The following ZNF804B variants were observed in gnomAD, a reference collection of about 807,000 sequenced individuals.
ZNF804B encodes the protein zinc finger protein 804B, also known as zinc finger 804B.
A neutral mutation model predicts 101.4 loss-of-function variants in ZNF804B; 80 were observed. That is an observed-to-expected ratio of 0.79 (90% CI 0.66 to 0.95). ZNF804B has a LOEUF of 0.95. ZNF804B is among the 40% of genes least tolerant of loss of function. The probability of loss-of-function intolerance (pLI) is 0.00; values close to 1 mark genes in which losing one functional copy is unlikely to be tolerated. For missense variants in ZNF804B, 1,673 were observed against 1,561.9 expected, an observed-to-expected ratio of 1.07 and a Z score of -1.20; for synonymous variants, 622 against 558.8, an observed-to-expected ratio of 1.11 and a Z score of -1.59.
intron 2 of ZNF804B, among the ~76,000 whole-genome samples, chr7:89,231,142 G>A (rs181403947): frequency 1.3e-5 from 2 of 152,110 alleles, no homozygotes; most frequent in African/African-American, 2.4e-5. Context: ...TGTGAGGCAA[G>A]GGCCCAAGTT....
intron 1 of ZNF804B, among the ~76,000 whole-genome samples, chr7:89,062,117 C>T (rs930424496): frequency 1.3e-5 from 2 of 152,072 alleles, no homozygotes; most frequent in Non-Finnish European, 2.9e-5. Context: ...AGAAAGAAGG[C>T]CCTTCTCATC....
chr7:89,253,720 A>G (rs971297364), intron 2 of ZNF804B, among the ~76,000 whole-genome samples: 5 of 152,156 alleles, frequency 3.3e-5, no homozygotes, highest in African/African-American at 1.2e-4. Context: ...ATTATAAAAA[A>G]TAAAAAATGT....
At chr7:88,858,113 G>T (rs1277765442) in intron 1 of ZNF804B, among the ~76,000 whole-genome samples, 2 of 151,902 alleles carry the variant, frequency 1.3e-5, no homozygotes, top group Non-Finnish European at 2.9e-5. Context: ...GAGAGCCACG[G>T]CACCTGGCCT....
At position 88,760,045 on chromosome 7, in the gene ZNF804B, C is replaced by A; in HGVS notation, c.69C>A (p.Val23=). The A allele has an allele frequency of 6.2e-7, 1 of 1,614,222 alleles. No individual in the cohort carries two copies. The highest frequency in any genetic ancestry group is 8.5e-7 in the Non-Finnish European group (1 of 1,180,040). Residue 23 remains valine, a synonymous_variant, in exon 1 of 4, where the codon GTC becomes GTA. Transcript: ENST00000333190. The stretch of plus-strand genomic sequence containing the variant: ...GGCACTACCGGGGCATTAAAGGAGT[C>A]TTCAGGGGACCCCTGTGCAAGAACG... The part of the protein sequence containing the change: ...SNGHYRGIKG[V]FRGPLCKNGS...
chr7:88,925,715 C>CA (rs1792787317), intron 1 of ZNF804B, among the ~76,000 whole-genome samples: 1 of 152,106 alleles, frequency 6.6e-6, no homozygotes, highest in South Asian at 2.1e-4. Flanking sequence ...CTGCAGCAGC[C>CA]GGCTTTGTAG....
At chr7:89,327,263 A>G in intron 2 of ZNF804B, 81 bp from the exon 3 acceptor site, 2 of 1,366,436 alleles carry the variant, frequency 1.5e-6, no homozygotes, top group East Asian at 2.6e-5. Flanking sequence ...ACTTAGGATA[A>G]AGAATAATAA....
At chr7:88,800,346 C>T (rs750930743) in intron 1 of ZNF804B, among the ~76,000 whole-genome samples, 8 of 151,976 alleles carry the variant, frequency 5.3e-5, no homozygotes, top group African/African-American at 1.4e-4. Context: ...AATAGTATTA[C>T]GGAACAGTGT....
In ZNF804B at chr7:89,318,043, T is replaced by C. The variant is rs537121708; in HGVS notation, c.250-9301T>C. 5.9e-5 allele frequency among the ~76,000 whole-genome samples: 9 copies of C among 152,338 alleles called. 1 individual carries two copies. The South Asian group carries it at 1.2e-3, about 21-fold the overall frequency. ...CAAGGCCTAGATCAGGGATCAGTCATCAAAGAACACTCTTCAATATTAATA... is the reference window on the plus strand; with the variant it reads ...CAAGGCCTAGATCAGGGATCAGTCACCAAAGAACACTCTTCAATATTAATA... On this transcript the variant is annotated intron_variant, in intron 2 of 3. Coordinates refer to ENST00000333190, the MANE Select transcript of ZNF804B (RefSeq NM_181646.5).
At chr7:89,145,677 A>G (rs1790780335) in intron 1 of ZNF804B, among the ~76,000 whole-genome samples, 1 of 152,024 alleles carries the variant, frequency 6.6e-6, no homozygotes, top group Non-Finnish European at 1.5e-5. Flanking sequence ...TAATTCCACA[A>G]ACATATACTT....
chr7:89,027,645 A>T (rs543599467), intron 1 of ZNF804B, among the ~76,000 whole-genome samples: 1 of 152,300 alleles, frequency 6.6e-6, no homozygotes, highest in East Asian at 1.9e-4. Flanking sequence ...AGGAAGAGAG[A>T]ACCTCTCCCA....
At chr7:89,270,352 G>A (rs757030522) in intron 2 of ZNF804B, among the ~76,000 whole-genome samples, 16 of 152,144 alleles carry the variant, frequency 1.1e-4, no homozygotes, top group Non-Finnish European at 1.9e-4. Flanking sequence ...TTTTTGTCAG[G>A]TTTGTCAAAG....
At chr7:89,094,846 A>G (rs1474365908) in intron 1 of ZNF804B, among the ~76,000 whole-genome samples, 3 of 152,238 alleles carry the variant, frequency 2.0e-5, no homozygotes, top group Admixed American at 2.0e-4. Flanking sequence ...ATTTGATTCA[A>G]TTAAAACTGA....
chr7:88,880,773 T>C (rs1025908220), intron 1 of ZNF804B, among the ~76,000 whole-genome samples: 3 of 152,224 alleles, frequency 2.0e-5, no homozygotes, highest in South Asian at 4.1e-4. Context: ...GATTAAAAAT[T>C]GATGACTTTC....
At chr7:89,154,980 C>T (rs1157708576) in intron 1 of ZNF804B, among the ~76,000 whole-genome samples, 1 of 151,996 alleles carries the variant, frequency 6.6e-6, no homozygotes, top group Non-Finnish European at 1.5e-5. Flanking sequence ...TTACATATTA[C>T]ATGCCTATAT....
At chr7:89,054,419 C>G (rs1176864823) in intron 1 of ZNF804B, among the ~76,000 whole-genome samples, 1 of 151,138 alleles carries the variant, frequency 6.6e-6, no homozygotes, top group Non-Finnish European at 1.5e-5. Flanking sequence ...CCTGGGATAG[C>G]CTATTTGATA....
intron 1 of ZNF804B, among the ~76,000 whole-genome samples, chr7:88,853,501 T>C (rs1791475104): frequency 1.3e-5 from 2 of 152,164 alleles, no homozygotes; most frequent in African/African-American, 2.4e-5. Context: ...GAAGTGGTCA[T>C]TGAAAGATAG....
At chr7:89,111,151 C>T (rs914661213) in intron 1 of ZNF804B, among the ~76,000 whole-genome samples, 2 of 152,102 alleles carry the variant, frequency 1.3e-5, no homozygotes, top group Non-Finnish European at 2.9e-5. Context: ...TGGTTGCTTC[C>T]AAGTTTTGAC....
chr7:88,886,840 A>G (rs1046347150), intron 1 of ZNF804B, among the ~76,000 whole-genome samples: 2 of 151,786 alleles, frequency 1.3e-5, no homozygotes, highest in Admixed American at 6.6e-5. Context: ...CATATCTAGT[A>G]TATTGTAATT....
chr7:89,241,900 T>C (rs928080078), intron 2 of ZNF804B, among the ~76,000 whole-genome samples: 2 of 151,732 alleles, frequency 1.3e-5, no homozygotes, highest in Admixed American at 6.6e-5. Context: ...TTTCTTTTTT[T>C]TTTTTTTCTC....
Sources: allele counts gnomAD v4.1 joint callset (sites outside exome capture counted in the v4.1 genomes callset), GRCh38; gene constraint gnomAD v4.1.1; transcripts MANE v1.5; gene names NCBI Gene and HGNC (gene_info 2026-07-23, HGNC 2026-07-21).